Variants in TEX26 observed in about 807,000 individuals in gnomAD.
TEX26 encodes testis-expressed protein 26.
A neutral mutation model predicts 35.3 loss-of-function variants in TEX26; 34 were observed. The observed-to-expected ratio is 0.96, with a 90% CI of 0.73 to 1.28. The LOEUF is 1.28. Ranked by LOEUF, TEX26 falls within the 50% of genes most tolerant of loss-of-function variation. The pLI is 0.00. For missense variants in TEX26, 371 were observed against 330.1 expected (o/e 1.12, Z -0.96); for synonymous variants, 136 against 111.8 (o/e 1.22, Z -1.36).
chr13:30,956,885 T>C lies in TEX26; in HGVS notation c.325T>C (p.Trp109Arg). 6.2e-7 allele frequency: 1 copy of C among 1,614,090 alleles called. No homozygotes were observed. The highest frequency in any genetic ancestry group is 8.5e-7 in the Non-Finnish European group (1 of 1,179,936). ...TTTGCTTTGATAGGACATTTTCCTG[T>C]GGACACTACCTCACTGTCAACAAAC... ...KSHLNEDIFL[W>R]TLPHCQQTGT... The change falls in exon 4 of 7, where the codon TGG becomes CGG. Residue 109 changes from tryptophan (W) to arginine (R), a missense_variant. Trp to Arg is a moderately radical substitution (Grantham distance 101). Transcript: ENST00000380473.
chr13:30,973,339 G>C (rs537986093), intron 6 of TEX26: 2 of 152,306 alleles, frequency 1.3e-5, no homozygotes, highest in African/African-American at 4.8e-5. Flanking sequence ...ACTTATCTTT[G>C]ATGAAAGAAA....
intron 6 of TEX26, 47 bp downstream of exon 6, chr13:30,969,093 C>A: frequency 6.6e-7 from 1 of 1,507,958 alleles, no homozygotes; most frequent in South Asian, 1.4e-5. Flanking sequence ...CAATACATTG[C>A]TTTTGCCAAA....
chr13:30,951,657 T>C (rs983771722), intron 2 of TEX26, among the ~76,000 whole-genome samples: 2 of 152,200 alleles, frequency 1.3e-5, no homozygotes, highest in African/African-American at 2.4e-5. Context: ...CACTAGAGTA[T>C]GTGGAAGCAA....
intron 2 of TEX26, among the ~76,000 whole-genome samples, chr13:30,950,029 A>G (rs1384032398): frequency 6.6e-6 from 1 of 152,254 alleles, no homozygotes; most frequent in Non-Finnish European, 1.5e-5. Flanking sequence ...TAAATACTTT[A>G]TTGAATGATT....
At chr13:30,973,250 C>A (rs4941448) in intron 6 of TEX26, 5 of 151,992 alleles carry the variant, frequency 3.3e-5, no homozygotes, top group Non-Finnish European at 7.4e-5. Context: ...ACCTCAAAAA[C>A]GTGCTGAATG....
At chr13:30,949,656 CA>C (rs981483884) in intron 2 of TEX26, among the ~76,000 whole-genome samples, 8 of 151,062 alleles carry the variant, frequency 5.3e-5, no homozygotes, top group African/African-American at 1.9e-4. Context: ...GCATTATATC[CA>C]AAAATAATGC....
intron 4 of TEX26, among the ~76,000 whole-genome samples, chr13:30,965,711 G>A (rs562866206): frequency 1.3e-5 from 2 of 152,100 alleles, no homozygotes; most frequent in African/African-American, 4.8e-5. Flanking sequence ...CCCTCCATCA[G>A]TAAGGGATAA....
chr13:30,965,707 A>C (rs1378203053), intron 4 of TEX26, among the ~76,000 whole-genome samples: 1 of 152,130 alleles, frequency 6.6e-6, no homozygotes, highest in Non-Finnish European at 1.5e-5. Context: ...CTAACCCTCC[A>C]TCAGTAAGGG....
intron 5 of TEX26, 128 bp from the exon 6 acceptor site, chr13:30,968,757 C>A (rs1338989334): frequency 2.4e-6 from 2 of 816,760 alleles, no homozygotes; most frequent in Non-Finnish European, 3.9e-6. Flanking sequence ...TGTCCAGCAT[C>A]ATGAAGGATG....
In TEX26 at chr13:30,935,803, C is replaced by T. The variant is rs577471573; in HGVS notation, c.61+3027C>T. Among the ~76,000 whole-genome samples, 8 of 152,364 alleles carry T rather than the reference C, an allele frequency of 5.3e-5. No homozygotes were observed. In the East Asian group the frequency reaches 1.5e-3, roughly 29 times the overall value. On this transcript the variant is annotated intron_variant, in intron 1 of 6. Transcript: ENST00000380473. ...TCTAACACTAAAACTCTTCTTCACTCTTCACTTGTCTGTGTACCTCAATGC... is the reference window on the plus strand; with the variant it reads ...TCTAACACTAAAACTCTTCTTCACTTTTCACTTGTCTGTGTACCTCAATGC...
At chr13:30,956,760 T>C (rs1335566009) in intron 3 of TEX26, 113 bp from the exon 4 acceptor site, 14 of 958,096 alleles carry the variant, frequency 1.5e-5, no homozygotes, top group Non-Finnish European at 2.0e-5. Context: ...GCACCTGCAG[T>C]GGCAGCTGGT....
intron 1 of TEX26, among the ~76,000 whole-genome samples, chr13:30,935,885 C>T (rs1269935784): frequency 6.6e-6 from 1 of 152,246 alleles, no homozygotes. Context: ...CCAGAAAAAT[C>T]AACACCCCAG....
chr13:30,959,384 G>A (rs561162891), intron 4 of TEX26, among the ~76,000 whole-genome samples: 13 of 151,960 alleles, frequency 8.6e-5, no homozygotes, highest in Non-Finnish European at 1.5e-4. Flanking sequence ...AATTTTAGAC[G>A]TTATTGACTT....
At chr13:30,962,927 A>G (rs957188360) in intron 4 of TEX26, among the ~76,000 whole-genome samples, 1 of 151,162 alleles carries the variant, frequency 6.6e-6, no homozygotes, top group Non-Finnish European at 1.5e-5. Context: ...GGTTCATGCC[A>G]TTCTCCTGCC....
chr13:30,957,848 T>A (rs769763549), intron 4 of TEX26, among the ~76,000 whole-genome samples: 1 of 152,170 alleles, frequency 6.6e-6, no homozygotes, highest in Non-Finnish European at 1.5e-5. Context: ...AATAAATGAA[T>A]GATAGGGATG....
intron 1 of TEX26, chr13:30,933,607 T>C (rs1239198412): frequency 6.6e-6 from 1 of 152,204 alleles, no homozygotes; most frequent in Non-Finnish European, 1.5e-5. Context: ...AAAGAGTGAA[T>C]GAAATGCATA....
At chr13:30,957,251 AG>A (rs1187328714) in intron 4 of TEX26, among the ~76,000 whole-genome samples, 2 of 152,150 alleles carry the variant, frequency 1.3e-5, no homozygotes, top group African/African-American at 4.8e-5. Flanking sequence ...AGTGTGGGAT[AG>A]GGGGTCAGGA....
At chr13:30,968,445 C>T (rs771467037) in intron 5 of TEX26, among the ~76,000 whole-genome samples, 1 of 152,190 alleles carries the variant, frequency 6.6e-6, no homozygotes, top group South Asian at 2.1e-4. Flanking sequence ...ATGCGGGTCA[C>T]CCCACTCTCA....
intron 2 of TEX26, among the ~76,000 whole-genome samples, chr13:30,947,065 T>G (rs1348106566): frequency 6.6e-6 from 1 of 152,172 alleles, no homozygotes; most frequent in Non-Finnish European, 1.5e-5. Context: ...ACTATTTTAG[T>G]ATATTAATTG....
Sources: allele counts gnomAD v4.1 joint callset (sites outside exome capture counted in the v4.1 genomes callset), GRCh38; gene constraint gnomAD v4.1.1; transcripts MANE v1.5; gene names NCBI Gene and HGNC (gene_info 2026-07-23, HGNC 2026-07-21).